PHF5A: variants seen among roughly 807,000 people sequenced by gnomAD.
The protein encoded by PHF5A is PHD finger-like domain-containing protein 5A.
For synonymous variants in PHF5A, 52 were observed against 46.0 expected (o/e 1.13, Z -0.52); for missense variants, 24 against 140.6 (o/e 0.17, Z 4.19).
intron 2 of PHF5A, 56 bp downstream of exon 2, chr22:41,468,065 GTTC>G: frequency 6.3e-7 from 1 of 1,589,338 alleles, no homozygotes; most frequent in Non-Finnish European, 8.6e-7. Context: ...ACTTTTGCTG[GTTC>G]CACAGAAAAC....
chr22:41,468,537 C>A (rs2037894737), intron 1 of PHF5A, 65 bp downstream of exon 1: 1 of 1,554,794 alleles, frequency 6.4e-7, no homozygotes. Context: ...GAGACGGGAA[C>A]CCCCGACCCC....
intron 3 of PHF5A, among the ~76,000 whole-genome samples, chr22:41,461,791 T>C (rs553435846): frequency 2.0e-5 from 3 of 152,064 alleles, no homozygotes; most frequent in Admixed American, 2.0e-4. Flanking sequence ...GCCTCCCGAG[T>C]AGTGGGGAGT....
In PHF5A at chr22:41,463,166, CT is replaced by C. The variant is rs766296206; in HGVS notation, c.244-2680del. On this transcript the variant is annotated intron_variant, in intron 3 of 3. Coordinates refer to ENST00000216252, the MANE Select transcript of PHF5A (RefSeq NM_032758.4). ...GGATTACAGGCGTGAGCCACTGCCCCTGGCCTACTTACAGCTTAGCTTTAAG... is the reference window on the plus strand; with the variant it reads ...GGATTACAGGCGTGAGCCACTGCCCCGGCCTACTTACAGCTTAGCTTTAAG... 7.2e-5 allele frequency among the ~76,000 whole-genome samples: 11 copies of C among 152,186 alleles called. No individual in the cohort carries two copies. The South Asian group carries it at 1.5e-3, about 20-fold the overall frequency.
chr22:41,467,482 T>C lies in PHF5A; in HGVS notation c.209A>G (p.Tyr70Cys), dbSNP rs1568995519. The C allele has an allele frequency of 6.2e-7, 1 of 1,613,982 alleles. No individual in the cohort carries two copies. The highest frequency in any genetic ancestry group is 1.3e-5 in the African/African-American group (1 of 74,886). ...CTGGATGGTGCACTCCTTACAATAA[T>C]AGGCATCAGAGACCCCAGGTCCTCC... ...ICGGPGVSDA[Y>C]YCKECTIQEK... Residue 70 changes from tyrosine (Y) to cysteine (C), a missense_variant, in exon 3 of 4, where the codon TAT (tyrosine) becomes TGT (cysteine). By Grantham distance (194) the Tyr-to-Cys change is radical (BLOSUM62 -2). Transcript: ENST00000216252.
At chr22:41,463,739 A>AAG (rs1414387445) in intron 3 of PHF5A, among the ~76,000 whole-genome samples, 1 of 150,554 alleles carries the variant, frequency 6.6e-6, no homozygotes, top group African/African-American at 2.4e-5. Context: ...AAAAAAAAAA[A>AAG]AAAAAAAAGC....
At chr22:41,461,237 A>AT (rs2037825214) in intron 3 of PHF5A, among the ~76,000 whole-genome samples, 1 of 152,132 alleles carries the variant, frequency 6.6e-6, no homozygotes, top group Non-Finnish European at 1.5e-5. Flanking sequence ...TATCTTACCA[A>AT]TTATCCTATT....
Position 41,468,163 on chromosome 22 carries a change from T to C in PHF5A, c.53-16A>G, listed in dbSNP as rs567184011. ...CTTCCGATGGCTGCAAGATGAAAGATGGTAAAAAGTACAATTAGAATAAAG... is the reference window on the plus strand; with the variant it reads ...CTTCCGATGGCTGCAAGATGAAAGACGGTAAAAAGTACAATTAGAATAAAG... On this transcript the variant is annotated splice_polypyrimidine_tract_variant and intron_variant, in intron 1 of 3. Transcript: ENST00000216252. 11 of 1,613,644 alleles carry C rather than the reference T, an allele frequency of 6.8e-6. No individual in the cohort carries two copies. Among genetic ancestry groups the C allele is most frequent in the South Asian group, 5.5e-5 (5 of 91,044 alleles).
intron 3 of PHF5A, among the ~76,000 whole-genome samples, chr22:41,460,707 C>T (rs901530753): frequency 1.5e-5 from 2 of 136,446 alleles, no homozygotes; most frequent in African/African-American, 2.7e-5. Context: ...GGCAACATAG[C>T]GAGACCCCCA....
At position 41,460,383 on chromosome 22, in the gene PHF5A, G is replaced by C. The variant is rs1420842877; in HGVS notation, c.*15C>G. The C allele has an allele frequency of 6.3e-7, 1 of 1,583,706 alleles. No homozygotes were observed. The highest frequency in any genetic ancestry group is 1.1e-5 in the South Asian group (1 of 87,250). On this transcript the variant is annotated 3_prime_UTR_variant, in exon 4 of 4. Transcript: ENST00000216252. ...AGCAGACTGATGTTGGGGGGAGGAAGGGGCCACCCACCAATCACCTCTTCT... is the reference window on the plus strand; with the variant it reads ...AGCAGACTGATGTTGGGGGGAGGAACGGGCCACCCACCAATCACCTCTTCT...
chr22:41,468,361 T>G (rs1023175362), intron 1 of PHF5A: 17 of 649,154 alleles, frequency 2.6e-5, no homozygotes, highest in Non-Finnish European at 4.5e-5. Context: ...AAGCTCAGAG[T>G]TTCTCTGGAC....
intron 1 of PHF5A, 115 bp downstream of exon 1, chr22:41,468,487 G>C (rs1332331230): frequency 8.2e-7 from 1 of 1,219,284 alleles, no homozygotes; most frequent in East Asian, 2.4e-5. Context: ...GCGCCTGAGA[G>C]GCGGGAAACG....
chr22:41,468,268 A>C, intron 1 of PHF5A, 121 bp from the exon 2 acceptor site: 1 of 884,816 alleles, frequency 1.1e-6, no homozygotes, highest in East Asian at 2.6e-5. Context: ...AGACCTGCGG[A>C]TAGCCATTTT....
chr22:41,463,484 T>G (rs143257829), intron 3 of PHF5A, among the ~76,000 whole-genome samples: 5,672 of 151,624 alleles, frequency 0.037, 326 homozygotes, highest in African/African-American at 0.13. Flanking sequence ...CCCAGCAACT[T>G]TGGGAGGCCA....
intron 3 of PHF5A, among the ~76,000 whole-genome samples, chr22:41,462,704 G>A (rs73887721): frequency 0.012 from 1,781 of 152,210 alleles, 38 homozygotes; most frequent in African/African-American, 0.041. Flanking sequence ...ATGTGGGCAA[G>A]TTGCTTCTCT....
At position 41,460,104 on chromosome 22, in the gene PHF5A, G is replaced by C. The variant is rs1349763429; in HGVS notation, c.*294C>G. On this transcript the variant is annotated 3_prime_UTR_variant, in exon 4 of 4. Transcript: ENST00000216252. Reference sequence around the variant, plus strand: ...TCTTTTTAGAAGATCTTGGTTGAGGGAGAACATACCAATATGGAGAACAGA... The same window carrying C: ...TCTTTTTAGAAGATCTTGGTTGAGGCAGAACATACCAATATGGAGAACAGA... 9.2e-6 allele frequency: 2 copies of C among 216,280 alleles called. No homozygotes were observed. The highest frequency in any genetic ancestry group is 1.8e-5 in the Non-Finnish European group (2 of 110,384). 13.4% of individuals were successfully genotyped at this position (216,280 alleles called of 1,614,324 possible). A position where few individuals can be genotyped will look rare whatever the true frequency, so the allele number is the denominator to read the frequency against.
intron 1 of PHF5A, 194 bp from the exon 2 acceptor site, chr22:41,468,341 C>A (rs2037890383): frequency 3.1e-6 from 2 of 654,252 alleles, no homozygotes; most frequent in Non-Finnish European, 2.6e-6. Flanking sequence ...TCTCCTCCAA[C>A]GCCCTGGGCA....
At chr22:41,460,794 G>C (rs967512022) in intron 3 of PHF5A, among the ~76,000 whole-genome samples, 6 of 151,944 alleles carry the variant, frequency 3.9e-5, no homozygotes, top group Admixed American at 3.3e-4. Flanking sequence ...AAATGGGTTT[G>C]TAAATGTGTC....
intron 2 of PHF5A, 118 bp from the exon 3 acceptor site, chr22:41,467,732 T>C: frequency 1.7e-6 from 2 of 1,206,082 alleles, no homozygotes; most frequent in Non-Finnish European, 2.3e-6. Context: ...ACAGTGACTT[T>C]AGGGCCCTCC....
intron 1 of PHF5A, 134 bp downstream of exon 1, chr22:41,468,468 C>A (rs1404430678): frequency 2.5e-5 from 27 of 1,075,496 alleles, no homozygotes; most frequent in Non-Finnish European, 4.2e-6. Flanking sequence ...CGCGCTCCTA[C>A]AACACCCCGC....
Sources: gnomAD v4.1 joint callset for allele counts (sites outside exome capture counted in the v4.1 genomes callset) on GRCh38, gnomAD v4.1.1 for gene constraint, MANE v1.5 for transcripts, NCBI Gene and HGNC (gene_info 2026-07-23, HGNC 2026-07-21) for gene names.